Variants in RGS21 observed in about 807,000 individuals in gnomAD.
RGS21 encodes regulator of G-protein signalling 21.
In RGS21, 19 loss-of-function variants were observed where a neutral mutation model predicts 18.7. The observed-to-expected ratio is 1.01, with a 90% CI of 0.71 to 1.49. RGS21 has a LOEUF of 1.49. Among genes scored for constraint, RGS21 ranks in the 40% most tolerant of loss-of-function variants. RGS21 has a pLI of 0.00. For missense variants in RGS21, 194 were observed against 176.8 expected, an observed-to-expected ratio of 1.10 and a Z score of -0.55; for synonymous variants, 56 against 57.8, an observed-to-expected ratio of 0.97 and a Z score of 0.14.
intron 1 of RGS21, among the ~76,000 whole-genome samples, chr1:192,319,425 A>C (rs906357638): frequency 7.2e-5 from 11 of 152,178 alleles, no homozygotes; most frequent in African/African-American, 2.2e-4. Flanking sequence ...AAAAATAAGA[A>C]AACAAACAAG....
At chr1:192,332,203 A>C (rs941329619) in intron 1 of RGS21, among the ~76,000 whole-genome samples, 3 of 152,162 alleles carry the variant, frequency 2.0e-5, no homozygotes, top group African/African-American at 7.2e-5. Context: ...TCAACTCAGT[A>C]AATGAAAAAA....
At chr1:192,323,899 G>C (rs1658529749) in intron 1 of RGS21, among the ~76,000 whole-genome samples, 1 of 151,654 alleles carries the variant, frequency 6.6e-6, no homozygotes, top group Non-Finnish European at 1.5e-5. Flanking sequence ...TCCTTAGACA[G>C]ATTCAAGTAT....
chr1:192,326,984 G>C (rs1411366312), intron 1 of RGS21, among the ~76,000 whole-genome samples: 1 of 152,092 alleles, frequency 6.6e-6, no homozygotes, highest in Admixed American at 6.6e-5. Flanking sequence ...TATTGTCAAG[G>C]ATGGTAGAAA....
At chr1:192,340,844 C>T (rs1449079444) in intron 1 of RGS21, among the ~76,000 whole-genome samples, 4 of 152,066 alleles carry the variant, frequency 2.6e-5, no homozygotes, top group Non-Finnish European at 5.9e-5. Flanking sequence ...TCTCATGAGA[C>T]TTATTCACTA....
At chr1:192,349,302 A>G (rs1389758142) in intron 3 of RGS21, among the ~76,000 whole-genome samples, 3 of 152,208 alleles carry the variant, frequency 2.0e-5, no homozygotes, top group Non-Finnish European at 4.4e-5. Flanking sequence ...TAGAAAAGTC[A>G]TATACATCCG....
intron 1 of RGS21, 89 bp downstream of exon 1, chr1:192,317,194 A>G (rs1447805495): frequency 6.6e-6 from 1 of 152,020 alleles, no homozygotes; most frequent in Non-Finnish European, 1.5e-5. Context: ...AATGCCAACT[A>G]TTAGATTCTT....
intron 1 of RGS21, among the ~76,000 whole-genome samples, chr1:192,342,569 C>T (rs2102229798): frequency 6.6e-6 from 1 of 151,970 alleles, no homozygotes; most frequent in African/African-American, 2.4e-5. Flanking sequence ...GAGCCCTCCT[C>T]AGATTCTCTG....
chr1:192,358,378 A>G (rs755786417), intron 4 of RGS21, among the ~76,000 whole-genome samples: 4 of 152,056 alleles, frequency 2.6e-5, no homozygotes, highest in African/African-American at 9.7e-5. Flanking sequence ...GTTGTATTCA[A>G]CTTTAATAGC....
chr1:192,341,589 T>G (rs1658862427), intron 1 of RGS21, among the ~76,000 whole-genome samples: 1 of 152,140 alleles, frequency 6.6e-6, no homozygotes, highest in South Asian at 2.1e-4. Flanking sequence ...CAATGAAGAT[T>G]GAAAGGAATG....
In RGS21 at chr1:192,365,910, A is replaced by C. The variant is rs377701975; in HGVS notation, c.256-11A>C. The C allele has an allele frequency of 2.0e-6, 3 of 1,515,734 alleles. No individual in the cohort carries two copies. The highest frequency in any genetic ancestry group is 1.7e-5 in the Admixed American group (1 of 58,452). The allele number at this position is 1,515,734 out of a possible 1,614,324, so 93.9% of individuals were successfully genotyped here. A position where few individuals can be genotyped will look rare whatever the true frequency, so the allele number is the denominator to read the frequency against. On this transcript the variant is annotated splice_polypyrimidine_tract_variant and intron_variant, in intron 4 of 4. Transcript: ENST00000417209. ...AACTAATTCAATGATATGCAACCTT[A>C]TTTTCCACAGATTAACATTGACTTC...
At chr1:192,331,637 CAT>C (rs904330010) in intron 1 of RGS21, among the ~76,000 whole-genome samples, 2 of 151,520 alleles carry the variant, frequency 1.3e-5, no homozygotes, top group African/African-American at 4.8e-5. Context: ...AAAAATTTGA[CAT>C]ATTTAAAAAC....
At chr1:192,333,436 C>T (rs978062109) in intron 1 of RGS21, among the ~76,000 whole-genome samples, 1 of 151,896 alleles carries the variant, frequency 6.6e-6, no homozygotes, top group African/African-American at 2.4e-5. Context: ...AAGAAGTGTC[C>T]TTAAGTAGTG....
In RGS21 at chr1:192,344,683, A is replaced by C. The variant is rs111413905; in HGVS notation, c.11+1636A>C. ...AAGCATTACTCCTTAAAATAGTTAC[A>C]CTTCACCTAATTTCTGAAAAGTAAA... On this transcript the variant is annotated intron_variant, in intron 2 of 4. Coordinates refer to ENST00000417209, the MANE Select transcript of RGS21 (RefSeq NM_001039152.3). 4.1e-3 allele frequency among the ~76,000 whole-genome samples: 624 copies of C among 152,234 alleles called. 6 individuals are homozygous for C. The highest frequency in any genetic ancestry group is 0.014 in the African/African-American group (592 of 41,546).
At position 192,341,903 on chromosome 1, in the gene RGS21, A is replaced by G. The variant is rs182149428; in HGVS notation, c.-60-1074A>G. On this transcript the variant is annotated intron_variant, in intron 1 of 4. Coordinates refer to ENST00000417209, the MANE Select transcript of RGS21 (RefSeq NM_001039152.3). ...AAAACAAAAAGTGAAAATATGTTTA[A>G]TGATTCAGTTTTTGCTTATCCTAAG... 1.6e-3 allele frequency among the ~76,000 whole-genome samples: 245 copies of G among 152,022 alleles called. 1 individual carries two copies. The highest frequency in any genetic ancestry group is 5.6e-3 in the African/African-American group (234 of 41,494).
At chr1:192,354,276 T>C (rs1316790648) in intron 4 of RGS21, among the ~76,000 whole-genome samples, 3 of 151,882 alleles carry the variant, frequency 2.0e-5, no homozygotes, top group Non-Finnish European at 1.5e-5. Context: ...TTAAAGTTCA[T>C]TATTAGCACG....
chr1:192,329,324 T>C (rs79821101), intron 1 of RGS21, among the ~76,000 whole-genome samples: 1 of 152,120 alleles, frequency 6.6e-6, no homozygotes, highest in Non-Finnish European at 1.5e-5. Context: ...AGCAGAGGTA[T>C]ACTTCATTTC....
chr1:192,344,872 C>A (rs1658924872), intron 2 of RGS21, among the ~76,000 whole-genome samples: 1 of 152,022 alleles, frequency 6.6e-6, no homozygotes, highest in Admixed American at 6.6e-5. Flanking sequence ...CTCCTAAAAA[C>A]AATGTCAGCA....
In RGS21 at chr1:192,361,810, G is replaced by A. The variant is rs565455627; in HGVS notation, c.256-4111G>A. Among the ~76,000 whole-genome samples, 15 of 152,174 alleles carry A rather than the reference G, an allele frequency of 9.9e-5. No homozygotes were observed. The South Asian group carries it at 3.1e-3, about 32-fold the overall frequency. The stretch of plus-strand genomic sequence containing the variant: ...GATCCACCCACCTTAGCCTCCCAAA[G>A]AGCTGGAATTACAGGCATGAGCCAC... On this transcript the variant is annotated intron_variant, in intron 4 of 4. Coordinates refer to ENST00000417209, the MANE Select transcript of RGS21 (RefSeq NM_001039152.3).
chr1:192,326,178 G>A (rs1658566016), intron 1 of RGS21, among the ~76,000 whole-genome samples: 1 of 151,906 alleles, frequency 6.6e-6, no homozygotes, highest in Non-Finnish European at 1.5e-5. Context: ...TTGTAAAAAG[G>A]TTTGACATGA....
Sources: gnomAD v4.1 joint callset for allele counts (sites outside exome capture counted in the v4.1 genomes callset) on GRCh38, gnomAD v4.1.1 for gene constraint, MANE v1.5 for transcripts, NCBI Gene and HGNC (gene_info 2026-07-23, HGNC 2026-07-21) for gene names.